Variants in ADAMTS9 observed in about 807,000 individuals in gnomAD.
ADAMTS9 encodes ADAM metallopeptidase with thrombospondin type 1 motif 9.
In ADAMTS9, 107 loss-of-function variants were observed where a neutral mutation model predicts 257.1. That is an observed-to-expected ratio of 0.42 (90% CI 0.36 to 0.49). The LOEUF (loss-of-function observed/expected upper bound fraction) is 0.49, where lower values mean the gene tolerates loss of function less well. ADAMTS9 is among the 20% of genes least tolerant of loss of function. ADAMTS9 has a pLI of 0.03. For synonymous variants in ADAMTS9, 982 were observed against 880.9 expected (o/e 1.11, Z -2.03); for missense variants, 2,353 against 2,469.1 (o/e 0.95, Z 1.00).
At chr3:64,619,808 T>G (rs1375778977) in intron 19 of ADAMTS9, among the ~76,000 whole-genome samples, 1 of 152,160 alleles carries the variant, frequency 6.6e-6, no homozygotes, top group African/African-American at 2.4e-5. Context: ...ATTAAGGTTG[T>G]GCCTCAAGGA....
At position 64,591,399 on chromosome 3, in the gene ADAMTS9, C is replaced by T. The variant is rs963998170; in HGVS notation, c.4356+2859G>A. On this transcript the variant is annotated intron_variant, in intron 28 of 39. Coordinates refer to ENST00000498707, the MANE Select transcript of ADAMTS9 (RefSeq NM_182920.2). ...AGGTTGCAGTGAGCCGAGATCGCAC[C>T]ACTGCACTCCAGCCTGGGCAACAGA... 2.0e-5 allele frequency among the ~76,000 whole-genome samples: 3 copies of T among 151,746 alleles called. 1 individual carries two copies. The highest frequency in any genetic ancestry group is 7.3e-5 in the African/African-American group (3 of 41,236).
chr3:64,571,866 T>C (rs1446328525), intron 28 of ADAMTS9, among the ~76,000 whole-genome samples: 2 of 152,214 alleles, frequency 1.3e-5, no homozygotes, highest in African/African-American at 4.8e-5. Context: ...GTTTCAGCTC[T>C]TACATTCTGA....
At chr3:64,593,659 A>G (rs530602939) in intron 28 of ADAMTS9, among the ~76,000 whole-genome samples, 5 of 152,218 alleles carry the variant, frequency 3.3e-5, no homozygotes, top group Non-Finnish European at 7.3e-5. Flanking sequence ...CGGGCTTCCT[A>G]TCTCTGTGCA....
At chr3:64,637,990 T>C (rs542872858) in intron 12 of ADAMTS9, among the ~76,000 whole-genome samples, 21 of 152,332 alleles carry the variant, frequency 1.4e-4, no homozygotes, top group African/African-American at 5.1e-4. Context: ...TACAGCCAAA[T>C]GAGAAATTCA....
intron 11 of ADAMTS9, among the ~76,000 whole-genome samples, chr3:64,643,777 T>A (rs572369561): frequency 4.6e-5 from 7 of 151,998 alleles, no homozygotes; most frequent in Non-Finnish European, 1.0e-4. Flanking sequence ...CTAATTAGAT[T>A]TTTTAATGCT....
chr3:64,673,793 T>C (rs1206139300), intron 3 of ADAMTS9, among the ~76,000 whole-genome samples: 1 of 152,030 alleles, frequency 6.6e-6, no homozygotes, highest in Non-Finnish European at 1.5e-5. Context: ...TATTTAGAGA[T>C]GGTATCTTGA....
intron 25 of ADAMTS9, 94 bp downstream of exon 25, chr3:64,603,828 T>C (rs770665181): frequency 8.9e-6 from 12 of 1,345,792 alleles, no homozygotes; most frequent in African/African-American, 1.4e-5. Flanking sequence ...ATATTACCCA[T>C]TGACATTTCC....
At chr3:64,682,786 G>A (rs1289470458) in intron 2 of ADAMTS9, among the ~76,000 whole-genome samples, 1 of 152,242 alleles carries the variant, frequency 6.6e-6, no homozygotes, top group African/African-American at 2.4e-5. Context: ...GAATTGAAAT[G>A]TTAATGAGCT....
chr3:64,533,949 G>C (rs958865088), intron 37 of ADAMTS9, among the ~76,000 whole-genome samples: 1 of 152,274 alleles, frequency 6.6e-6, no homozygotes, highest in Non-Finnish European at 1.5e-5. Flanking sequence ...CTAAAGAGAC[G>C]GTGCAGCAGA....
intron 32 of ADAMTS9, among the ~76,000 whole-genome samples, chr3:64,543,050 C>T (rs1333842750): frequency 6.6e-6 from 1 of 152,204 alleles, no homozygotes; most frequent in East Asian, 1.9e-4. Flanking sequence ...CATACACCCT[C>T]CCAAGATTAA....
intron 12 of ADAMTS9, among the ~76,000 whole-genome samples, chr3:64,640,829 C>T (rs189840856): frequency 1.3e-5 from 2 of 152,080 alleles, no homozygotes; most frequent in Non-Finnish European, 2.9e-5. Flanking sequence ...ACAACCTTCC[C>T]CCACCCTCCA....
At chr3:64,597,588 G>A (rs1222482430) in intron 26 of ADAMTS9, among the ~76,000 whole-genome samples, 1 of 152,096 alleles carries the variant, frequency 6.6e-6, no homozygotes, top group Non-Finnish European at 1.5e-5. Flanking sequence ...ATGGTAGTAA[G>A]ACTTGTTTTA....
chr3:64,623,701 A>G (rs1307457404), intron 16 of ADAMTS9, among the ~76,000 whole-genome samples: 1 of 152,182 alleles, frequency 6.6e-6, no homozygotes, highest in African/African-American at 2.4e-5. Flanking sequence ...CATACTCTCT[A>G]TCCGCTTTCT....
chr3:64,533,147 C>G lies in ADAMTS9; in HGVS notation c.5718+19G>C. On this transcript the variant is annotated intron_variant, in intron 38 of 39. Coordinates refer to ENST00000498707, the MANE Select transcript of ADAMTS9 (RefSeq NM_182920.2). ...AAAGAAATAAAAATTCATCTCCCAA[C>G]CCATCTGTAGAACCTTACCGGCGAC... The G allele has an allele frequency of 6.3e-7, 1 of 1,588,576 alleles. No homozygotes were observed. The highest frequency in any genetic ancestry group is 8.6e-7 in the Non-Finnish European group (1 of 1,157,982).
At chr3:64,554,407 G>A (rs1488334451) in intron 30 of ADAMTS9, among the ~76,000 whole-genome samples, 1 of 152,166 alleles carries the variant, frequency 6.6e-6, no homozygotes, top group African/African-American at 2.4e-5. Context: ...GTTTTCTCCT[G>A]GAATCTTAAA....
At chr3:64,677,200 T>G (rs959833367) in intron 3 of ADAMTS9, among the ~76,000 whole-genome samples, 4 of 152,076 alleles carry the variant, frequency 2.6e-5, no homozygotes, top group African/African-American at 9.7e-5. Context: ...GGACCCAGTA[T>G]GTAAAGGACA....
intron 28 of ADAMTS9, among the ~76,000 whole-genome samples, chr3:64,576,144 C>T (rs1196512109): frequency 6.6e-6 from 1 of 152,190 alleles, no homozygotes; most frequent in Non-Finnish European, 1.5e-5. Context: ...AGTATTGTCT[C>T]TTCTCACCAG....
chr3:64,541,791 T>A, intron 33 of ADAMTS9, 47 bp downstream of exon 33: 1 of 1,610,466 alleles, frequency 6.2e-7, no homozygotes. Context: ...AACAAAGACA[T>A]CCTGTTCTTC....
intron 39 of ADAMTS9, chr3:64,521,448 T>C (rs1284274680): frequency 2.6e-5 from 4 of 152,044 alleles, no homozygotes; most frequent in Admixed American, 2.6e-4. Context: ...TGGGTATATA[T>C]CAAAAAGAAA....
Sources: allele counts gnomAD v4.1 joint callset (sites outside exome capture counted in the v4.1 genomes callset), GRCh38; gene constraint gnomAD v4.1.1; transcripts MANE v1.5; gene names NCBI Gene and HGNC (gene_info 2026-07-23, HGNC 2026-07-21).